The following PCDH7 variants were observed in gnomAD, a reference collection of about 807,000 sequenced individuals.
The protein encoded by PCDH7 is protocadherin-7.
A neutral mutation model predicts 58.9 loss-of-function variants in PCDH7; 17 were observed. The ratio of observed to expected loss-of-function variants is 0.29; its 90% CI spans 0.20 to 0.43. The LOEUF is 0.43. PCDH7 is among the 20% of genes least tolerant of loss of function. The pLI, the probability that PCDH7 is intolerant of heterozygous loss-of-function variation, is 1.00. For missense variants in PCDH7, 1,274 were observed against 1,441.0 expected (o/e 0.88, Z 1.88); for synonymous variants, 664 against 616.4 (o/e 1.08, Z -1.14).
intron 1 of PCDH7, among the ~76,000 whole-genome samples, chr4:30,918,029 A>G (rs555421929): frequency 6.6e-6 from 1 of 152,194 alleles, no homozygotes; most frequent in East Asian, 1.9e-4. Flanking sequence ...TTTTGTGTTA[A>G]TGAAGGTATT....
chr4:30,900,235 C>T (rs546048659), intron 1 of PCDH7, among the ~76,000 whole-genome samples: 4 of 152,210 alleles, frequency 2.6e-5, no homozygotes, highest in South Asian at 2.1e-4. Context: ...ATAGAGCAAA[C>T]GAATGGTAAA....
At chr4:30,998,406 A>G (rs1752079681) in intron 3 of PCDH7, among the ~76,000 whole-genome samples, 1 of 152,194 alleles carries the variant, frequency 6.6e-6, no homozygotes, top group Non-Finnish European at 1.5e-5. Flanking sequence ...AGTGACTGAA[A>G]TACCCAGCTG....
chr4:30,743,709 A>G (rs1478391175), intron 1 of PCDH7, among the ~76,000 whole-genome samples: 1 of 151,508 alleles, frequency 6.6e-6, no homozygotes, highest in Non-Finnish European at 1.5e-5. Flanking sequence ...CTTCTTCTCA[A>G]TCTTTCTCTC....
At chr4:30,897,287 T>C (rs1372593756) in intron 1 of PCDH7, among the ~76,000 whole-genome samples, 4 of 152,160 alleles carry the variant, frequency 2.6e-5, no homozygotes, top group Non-Finnish European at 5.9e-5. Context: ...GCTTCGAAGA[T>C]ACGAGGTTTA....
chr4:30,785,454 A>G (rs1245286013), intron 1 of PCDH7, among the ~76,000 whole-genome samples: 1 of 152,040 alleles, frequency 6.6e-6, no homozygotes, highest in Admixed American at 6.6e-5. Context: ...ATTCCCATAT[A>G]TATTAATTTT....
chr4:30,722,072 G>A lies in PCDH7; in HGVS notation c.650G>A (p.Gly217Asp). 1 of 1,245,606 alleles carries A rather than the reference G, an allele frequency of 8.0e-7. No individual in the cohort carries two copies. Among genetic ancestry groups the A allele is most frequent in the Non-Finnish European group, 1.0e-6 (1 of 997,314 alleles). 77.2% of individuals were successfully genotyped at this position (1,245,606 alleles called of 1,614,324 possible). A position where few individuals can be genotyped will look rare whatever the true frequency, so the allele number is the denominator to read the frequency against. ...GGCGGCGGGAACGGCGCGAGCGGCG[G>A]CGGCTCGGGAGGCTCCAAGCGGCGG... Residue 217 changes from glycine (G) to aspartate (D), a missense_variant, in exon 1 of 2, where the codon GGC (glycine) becomes GAC (aspartate). Gly to Asp is a moderately conservative substitution (Grantham distance 94, BLOSUM62 -1). Around this residue, in one of 3 missense-constraint regions of PCDH7, gnomAD observed 331 missense variants for 303.2 expected, o/e 1.09. Coordinates refer to ENST00000361762, the Ensembl canonical transcript of PCDH7. This position sits in a 1 kb window ranked among gnomAD's most constrained non-coding sequence, Gnocchi z 7.6.
chr4:31,127,732 A>C (rs980884027), intron 3 of PCDH7, among the ~76,000 whole-genome samples: 8 of 152,110 alleles, frequency 5.3e-5, no homozygotes, highest in Non-Finnish European at 8.8e-5. Flanking sequence ...AATTATTTTT[A>C]ATAAGAATAA....
intron 3 of PCDH7, among the ~76,000 whole-genome samples, chr4:31,099,333 T>C (rs149211176): frequency 2.6e-5 from 4 of 152,308 alleles, no homozygotes; most frequent in African/African-American, 7.2e-5. Context: ...ATATACAGGC[T>C]GCAGGGGGAT....
Position 30,849,006 on chromosome 4 carries a change from A to G in PCDH7, c.71-71147A>G, listed in dbSNP as rs140977825. 1.5e-3 allele frequency among the ~76,000 whole-genome samples: 226 copies of G among 152,292 alleles called. 1 individual carries two copies. The highest frequency in any genetic ancestry group is 4.8e-3 in the African/African-American group (199 of 41,568). On this transcript the variant is annotated intron_variant, in intron 1 of 3. Transcript: ENST00000509759. ...TTTCTTTATAGATTTAAACATGAAG[A>G]TGCTTCAATATTTTTTCCTTGTTAA...
chr4:30,960,612 A>G (rs898901657), intron 3 of PCDH7, among the ~76,000 whole-genome samples: 1 of 152,238 alleles, frequency 6.6e-6, no homozygotes, highest in Admixed American at 6.5e-5. Flanking sequence ...ACATCAGATT[A>G]AAAATTAAGT....
At chr4:30,942,378 C>G (rs990535810) in intron 2 of PCDH7, among the ~76,000 whole-genome samples, 1 of 151,844 alleles carries the variant, frequency 6.6e-6, no homozygotes, top group Non-Finnish European at 1.5e-5. Flanking sequence ...TTTATAGAGC[C>G]TTGATGAAGT....
At chr4:31,041,692 T>C (rs1208164842) in intron 3 of PCDH7, among the ~76,000 whole-genome samples, 1 of 152,092 alleles carries the variant, frequency 6.6e-6, no homozygotes, top group Non-Finnish European at 1.5e-5. Context: ...GGCAGGGCAA[T>C]TTCCCCTCAA....
At chr4:31,055,502 T>C (rs1757083572) in intron 3 of PCDH7, among the ~76,000 whole-genome samples, 1 of 152,140 alleles carries the variant, frequency 6.6e-6, no homozygotes, top group Non-Finnish European at 1.5e-5. Context: ...CAAATGGCAT[T>C]CACCTTAGTA....
chr4:30,782,173 CT>C (rs1181516597), intron 1 of PCDH7, among the ~76,000 whole-genome samples: 3 of 152,100 alleles, frequency 2.0e-5, no homozygotes, highest in African/African-American at 4.8e-5. Flanking sequence ...CTTCTTAACA[CT>C]TTTTTTATAT....
intron 3 of PCDH7, among the ~76,000 whole-genome samples, chr4:30,968,415 TGG>T (rs72251742): frequency 0.1 from 3,847 of 37,880 alleles, 482 homozygotes; most frequent in African/African-American, 0.34. Context: ...TATATATATA[TGG>T]GATATTATGT....
intron 3 of PCDH7, among the ~76,000 whole-genome samples, chr4:31,038,488 A>G (rs987771932): frequency 6.6e-6 from 1 of 152,130 alleles, no homozygotes; most frequent in Non-Finnish European, 1.5e-5. Flanking sequence ...GAGATGGAAT[A>G]AGAAATTATA....
At chr4:30,728,515 C>G (rs1198022641) in intron 1 of PCDH7, among the ~76,000 whole-genome samples, 2 of 151,730 alleles carry the variant, frequency 1.3e-5, no homozygotes, top group East Asian at 3.9e-4. Context: ...AGGCAAAACA[C>G]TAATAGCTGA....
intron 3 of PCDH7, among the ~76,000 whole-genome samples, chr4:30,969,600 C>T (rs951109433): frequency 6.6e-6 from 1 of 151,684 alleles, no homozygotes; most frequent in African/African-American, 2.4e-5. Context: ...CTTCTAAGTC[C>T]CAGAGATCTA....
chr4:30,823,175 G>A (rs1266345933), intron 1 of PCDH7, among the ~76,000 whole-genome samples: 2 of 152,088 alleles, frequency 1.3e-5, no homozygotes. Flanking sequence ...TAACATGGTT[G>A]GCTTAACAAC....
Sources: allele counts gnomAD v4.1 joint callset (sites outside exome capture counted in the v4.1 genomes callset), GRCh38; gene constraint gnomAD v4.1.1; regional missense constraint gnomAD v4.1.1; non-coding constraint Gnocchi (gnomAD v3.1); transcripts MANE v1.5; gene names NCBI Gene and HGNC (gene_info 2026-07-23, HGNC 2026-07-21).